Variants in CNTNAP2 observed in about 807,000 individuals in gnomAD.
CNTNAP2 encodes contactin associated protein 2.
CNTNAP2 carries 98 observed loss-of-function variants against 155.2 expected under a neutral mutation model. That is an observed-to-expected ratio of 0.63 (90% CI 0.54 to 0.75). CNTNAP2 has a LOEUF of 0.75. CNTNAP2 is among the 30% of genes least tolerant of loss of function. The pLI, the probability that CNTNAP2 is intolerant of heterozygous loss-of-function variation, is 0.00. For synonymous variants in CNTNAP2, 651 were observed against 631.2 expected, an observed-to-expected ratio of 1.03 and a Z score of -0.47; for missense variants, 1,727 against 1,688.1, an observed-to-expected ratio of 1.02 and a Z score of -0.40.
At chr7:146,984,785 C>G (rs1336405013) in intron 3 of CNTNAP2, among the ~76,000 whole-genome samples, 1 of 152,156 alleles carries the variant, frequency 6.6e-6, no homozygotes, top group African/African-American at 2.4e-5. Context: ...TCTGGCTCTC[C>G]CATTGTCCCT....
intron 4 of CNTNAP2, among the ~76,000 whole-genome samples, chr7:147,092,030 C>T (rs929573501): frequency 2.0e-5 from 3 of 152,178 alleles, no homozygotes; most frequent in Admixed American, 2.0e-4. Context: ...TGAGCCACCA[C>T]TCCTGGCCAA....
intron 15 of CNTNAP2, among the ~76,000 whole-genome samples, chr7:147,996,887 T>C (rs756571561): frequency 6.6e-6 from 1 of 152,210 alleles, no homozygotes; most frequent in Non-Finnish European, 1.5e-5. Flanking sequence ...CCAAAATTTA[T>C]ATGTTGAAAC....
chr7:147,702,725 G>T (rs955921257), intron 13 of CNTNAP2, among the ~76,000 whole-genome samples: 2 of 152,086 alleles, frequency 1.3e-5, no homozygotes, highest in African/African-American at 4.8e-5. Flanking sequence ...GTTTGGGTCT[G>T]CAGGAAAGGC....
intron 3 of CNTNAP2, among the ~76,000 whole-genome samples, chr7:146,998,716 G>T (rs1441316437): frequency 3.3e-5 from 5 of 151,776 alleles, no homozygotes; most frequent in African/African-American, 1.2e-4. Flanking sequence ...GTCCTATGTT[G>T]GGTGTATATA....
At chr7:146,632,812 C>T (rs748191502) in intron 1 of CNTNAP2, among the ~76,000 whole-genome samples, 7 of 151,826 alleles carry the variant, frequency 4.6e-5, no homozygotes, top group African/African-American at 7.3e-5. Flanking sequence ...TCAAAAATCA[C>T]ATTAGAATTT....
At chr7:146,461,210 T>A (rs962426513) in intron 1 of CNTNAP2, among the ~76,000 whole-genome samples, 1 of 151,948 alleles carries the variant, frequency 6.6e-6, no homozygotes, top group African/African-American at 2.4e-5. Flanking sequence ...GAAACCATCC[T>A]GGTAACACGG....
intron 4 of CNTNAP2, among the ~76,000 whole-genome samples, chr7:147,064,807 T>C (rs1419544631): frequency 6.6e-6 from 1 of 152,192 alleles, no homozygotes; most frequent in Non-Finnish European, 1.5e-5. Flanking sequence ...CTAAAAATGT[T>C]AAAATCTTCC....
intron 1 of CNTNAP2, among the ~76,000 whole-genome samples, chr7:146,456,039 G>A (rs964815914): frequency 4.7e-4 from 71 of 152,024 alleles, no homozygotes; most frequent in Non-Finnish European, 5.9e-5. Flanking sequence ...CCTTATACAA[G>A]TGGAGAGTTT....
At chr7:147,426,771 C>T (rs893536169) in intron 10 of CNTNAP2, among the ~76,000 whole-genome samples, 1 of 152,094 alleles carries the variant, frequency 6.6e-6, no homozygotes, top group Non-Finnish European at 1.5e-5. Flanking sequence ...TCTTCAGTGT[C>T]TCACCTGGGG....
chr7:147,147,573 C>T (rs1013326615), intron 8 of CNTNAP2, among the ~76,000 whole-genome samples: 17 of 152,262 alleles, frequency 1.1e-4, no homozygotes, highest in Admixed American at 4.6e-4. Flanking sequence ...CTTTGTCCTT[C>T]CACGGCTCAG....
chr7:148,367,245 G>A (rs538953073), intron 21 of CNTNAP2, among the ~76,000 whole-genome samples: 12 of 138,478 alleles, frequency 8.7e-5, no homozygotes, highest in Admixed American at 4.8e-4. Flanking sequence ...AAAAATAAAA[G>A]AAAAGAAAAA....
At chr7:146,654,236 T>A (rs866105763) in intron 1 of CNTNAP2, among the ~76,000 whole-genome samples, 1 of 151,956 alleles carries the variant, frequency 6.6e-6, no homozygotes, top group Middle Eastern at 3.2e-3. Flanking sequence ...GATAAAATAA[T>A]GGCGTAAAGA....
chr7:146,680,633 T>C (rs1222254904), intron 1 of CNTNAP2, among the ~76,000 whole-genome samples: 1 of 152,214 alleles, frequency 6.6e-6, no homozygotes. Context: ...TGTCATATCA[T>C]AGCGTATGTG....
At chr7:146,692,069 A>T (rs2888408) in intron 1 of CNTNAP2, among the ~76,000 whole-genome samples, 1 of 151,902 alleles carries the variant, frequency 6.6e-6, no homozygotes, top group Non-Finnish European at 1.5e-5. Context: ...AACTAGCAAA[A>T]AAGGAATGTG....
intron 16 of CNTNAP2, among the ~76,000 whole-genome samples, chr7:148,141,428 T>C (rs1805070042): frequency 6.6e-6 from 1 of 152,264 alleles, no homozygotes; most frequent in Non-Finnish European, 1.5e-5. Flanking sequence ...GGAAAGATGC[T>C]TGTGGAATAC....
At chr7:148,329,967 C>T (rs916305969) in intron 21 of CNTNAP2, among the ~76,000 whole-genome samples, 4 of 152,304 alleles carry the variant, frequency 2.6e-5, no homozygotes, top group Non-Finnish European at 5.9e-5. Flanking sequence ...GACTGAGGCC[C>T]CCACCCTCCC....
intron 9 of CNTNAP2, among the ~76,000 whole-genome samples, chr7:147,383,734 T>C (rs1796580070): frequency 6.6e-6 from 1 of 152,082 alleles, no homozygotes; most frequent in Non-Finnish European, 1.5e-5. Context: ...CATGTGTACC[T>C]ATATAGCAAA....
intron 12 of CNTNAP2, among the ~76,000 whole-genome samples, chr7:147,572,794 G>A (rs1584823021): frequency 1.3e-5 from 2 of 151,774 alleles, no homozygotes; most frequent in African/African-American, 4.8e-5. Flanking sequence ...AAAAACCACA[G>A]GAATAATCTC....
At chr7:146,631,002 C>T (rs866701707) in intron 1 of CNTNAP2, among the ~76,000 whole-genome samples, 1 of 151,936 alleles carries the variant, frequency 6.6e-6, no homozygotes, top group African/African-American at 2.4e-5. Flanking sequence ...TTTACAGGTT[C>T]AATGTTATTC....
Sources: gnomAD v4.1 joint callset for allele counts (sites outside exome capture counted in the v4.1 genomes callset) on GRCh38, gnomAD v4.1.1 for gene constraint, MANE v1.5 for transcripts, NCBI Gene and HGNC (gene_info 2026-07-23, HGNC 2026-07-21) for gene names.